SH3KBP1: variants seen among roughly 807,000 people sequenced by gnomAD.
SH3KBP1 encodes the protein SH3 domain-containing kinase-binding protein 1.
SH3KBP1 carries 8 observed loss-of-function variants against 50.1 expected under a neutral mutation model. The ratio of observed to expected loss-of-function variants is 0.16; its 90% CI spans 0.09 to 0.29. The LOEUF (loss-of-function observed/expected upper bound fraction) is 0.29. SH3KBP1 is among the 10% of genes least tolerant of loss of function. The pLI, the probability that SH3KBP1 is intolerant of heterozygous loss-of-function variation, is 1.00. For missense variants in SH3KBP1, 377 were observed against 535.2 expected, an observed-to-expected ratio of 0.70 and a Z score of 2.92; for synonymous variants, 227 against 218.6, an observed-to-expected ratio of 1.04 and a Z score of -0.34.
At chrX:19,695,310 C>T (rs1290248471) in intron 5 of SH3KBP1, among the ~76,000 whole-genome samples, 2 of 111,315 alleles carry the variant, frequency 1.8e-5, no homozygotes, top group African/African-American at 6.6e-5. Flanking sequence ...TATGAACTTA[C>T]AGTAAGCAAC....
chrX:19,735,296 TATTTC>T (rs1644621111), intron 3 of SH3KBP1, among the ~76,000 whole-genome samples: 1 of 111,357 alleles, frequency 9.0e-6, no homozygotes, highest in Admixed American at 9.6e-5. Context: ...TTCGATTCTC[TATTTC>T]ATTTATTTCC....
chrX:19,777,531 T>C lies in SH3KBP1; in HGVS notation c.163-31090A>G, dbSNP rs180832791. On this transcript the variant is annotated intron_variant, in intron 2 of 17. Coordinates refer to ENST00000397821, the MANE Select transcript of SH3KBP1 (RefSeq NM_031892.3). ...ACCCCCTAGTTCTCACCCCCACTAC[T>C]TGAAGGAATTTGAATGAGCCACTGC... is the stretch of plus-strand genomic sequence containing the variant. Among the ~76,000 whole-genome samples the C allele has an allele frequency of 2.4e-3, 263 of 110,681 alleles. 2 individuals carry two copies. Among genetic ancestry groups the C allele is most frequent in the African/African-American group, 7.7e-3 (234 of 30,387 alleles).
In SH3KBP1 at chrX:19,569,161, G is replaced by T. The variant is rs756734324; in HGVS notation, c.1326C>A (p.Ala442=). The change falls in exon 13 of 18, where the codon GCC becomes GCA. Residue 442 remains alanine (A), a synonymous_variant. Coordinates refer to ENST00000397821, the MANE Select transcript of SH3KBP1 (RefSeq NM_031892.3). ...CCAGGATGCCAGATAGCGAACTGCC[G>T]GCCAAGTCAATCTTTGGACTGTCAC... The part of the protein sequence containing the change: ...TRGDSPKIDL[A]GSSLSGILDK... 29 of 1,209,367 alleles carry T rather than the reference G, an allele frequency of 2.4e-5. No individual in the cohort carries two copies. Among genetic ancestry groups the T allele is most frequent in the Non-Finnish European group, 3.2e-5 (29 of 894,167 alleles).
chrX:19,658,983 T>C (rs2062373401), intron 6 of SH3KBP1, among the ~76,000 whole-genome samples: 1 of 109,536 alleles, frequency 9.1e-6, no homozygotes, highest in South Asian at 4.0e-4. Context: ...GGAGACAGGA[T>C]CTTGCTCTGT....
chrX:19,612,421 G>A (rs1465469726), intron 8 of SH3KBP1, among the ~76,000 whole-genome samples: 3 of 111,022 alleles, frequency 2.7e-5, no homozygotes, highest in African/African-American at 3.3e-5. Context: ...CTGCCACCAC[G>A]CCTGGTTAAT....
At chrX:19,761,451 TAA>T (rs1276733337) in intron 2 of SH3KBP1, among the ~76,000 whole-genome samples, 4 of 109,890 alleles carry the variant, frequency 3.6e-5, no homozygotes, top group Non-Finnish European at 7.6e-5. Flanking sequence ...GCTATATACG[TAA>T]GTTAATTATA....
chrX:19,833,474 C>T (rs1251191223), intron 2 of SH3KBP1, among the ~76,000 whole-genome samples: 8 of 104,725 alleles, frequency 7.6e-5, no homozygotes, highest in Admixed American at 3.0e-4. Context: ...CAGGGTCCTC[C>T]TCCCTCTTTC....
At position 19,634,031 on chromosome X, in the gene SH3KBP1, GGTGTGTGTGTGTGTGTGTGTGT is replaced by G. The variant is rs60109180; in HGVS notation, c.803-2095_803-2074del. ...GAGAGGCTGTTAGATTTTGTTCCCT[GGTGTGTGTGTGTGTGTGTGTGT>G]GTGTGTGTGTGTGTGTGTGTGTGTG... On this transcript the variant is annotated intron_variant, in intron 7 of 17. Transcript: ENST00000397821. 8.8e-3 allele frequency among the ~76,000 whole-genome samples: 282 copies of G among 32,161 alleles called. 3 individuals are homozygous for G. The South Asian group carries it at 0.11, about 13-fold the overall frequency. 27.9% of individuals were successfully genotyped at this position (32,161 alleles called of 115,157 possible).
intron 5 of SH3KBP1, chrX:19,687,646 C>G (rs766990919): frequency 1.7e-6 from 2 of 1,207,070 alleles, no homozygotes; most frequent in Non-Finnish European, 2.2e-6. Context: ...CTCCGTCTTT[C>G]CCGGTGCAGC....
chrX:19,691,356 C>CTATA lies in SH3KBP1; in HGVS notation c.520+4252_520+4255dup, dbSNP rs1258274594. ...TCTCTCTCTCTCTCTCTCTCTCTCT[C>CTATA]TATATATATATATATCTTTTGAGAT... On this transcript the variant is annotated intron_variant, in intron 5 of 17. Coordinates refer to ENST00000397821, the MANE Select transcript of SH3KBP1 (RefSeq NM_031892.3). Among the ~76,000 whole-genome samples the CTATA allele has an allele frequency of 1.4e-3, 101 of 73,490 alleles. 2 individuals carry two copies. The highest frequency in any genetic ancestry group is 3.3e-3 in the Admixed American group (19 of 5,688). 63.8% of individuals were successfully genotyped at this position (73,490 alleles called of 115,157 possible). A position where few individuals can be genotyped will look rare whatever the true frequency, so the allele number is the denominator to read the frequency against.
intron 6 of SH3KBP1, among the ~76,000 whole-genome samples, chrX:19,662,642 C>T (rs1050485286): frequency 5.4e-5 from 6 of 111,229 alleles, no homozygotes; most frequent in African/African-American, 2.0e-4. Context: ...ACCAGGCTCC[C>T]CAACTTTTGA....
chrX:19,829,661 C>T (rs1299896585), intron 2 of SH3KBP1, among the ~76,000 whole-genome samples: 1 of 105,413 alleles, frequency 9.5e-6, no homozygotes, highest in Non-Finnish European at 2.0e-5. Context: ...CAAGAGAATC[C>T]CTTGAACCCG....
chrX:19,834,416 A>G (rs1233322038), intron 2 of SH3KBP1, among the ~76,000 whole-genome samples: 1 of 112,021 alleles, frequency 8.9e-6, no homozygotes, highest in African/African-American at 3.2e-5. Flanking sequence ...AGGTCTTCCC[A>G]CTGAGGACAA....
chrX:19,776,529 C>A (rs1470988668), intron 2 of SH3KBP1, among the ~76,000 whole-genome samples: 1 of 74,082 alleles, frequency 1.3e-5, no homozygotes, highest in Non-Finnish European at 2.4e-5. Context: ...GCTTGACAAC[C>A]TGGTTTTTTT....
chrX:19,842,397 G>A (rs1220682245), intron 1 of SH3KBP1, among the ~76,000 whole-genome samples: 1 of 110,703 alleles, frequency 9.0e-6, no homozygotes, highest in Admixed American at 9.6e-5. Context: ...GTGGTGGCAC[G>A]TGCCTGTAAT....
chrX:19,821,220 G>A (rs968914369), intron 2 of SH3KBP1, among the ~76,000 whole-genome samples: 17 of 111,374 alleles, frequency 1.5e-4, no homozygotes, highest in Admixed American at 3.8e-4. Context: ...GTGAAACCCC[G>A]TCTCTACTAA....
At chrX:19,679,641 G>A (rs1305354896) in intron 6 of SH3KBP1, among the ~76,000 whole-genome samples, 1 of 110,984 alleles carries the variant, frequency 9.0e-6, no homozygotes, top group Non-Finnish European at 1.9e-5. Context: ...TTTTATCAAG[G>A]GAAATTTCCA....
chrX:19,854,916 CT>C (rs751294131), intron 1 of SH3KBP1, among the ~76,000 whole-genome samples: 1 of 112,086 alleles, frequency 8.9e-6, no homozygotes, highest in African/African-American at 3.2e-5. Context: ...ACTTTTACTC[CT>C]CATACACTGC....
At chrX:19,633,211 C>A (rs957772942) in intron 7 of SH3KBP1, among the ~76,000 whole-genome samples, 1 of 111,150 alleles carries the variant, frequency 9.0e-6, no homozygotes, top group African/African-American at 3.3e-5. Flanking sequence ...GGAGGAGAGG[C>A]GGTATTCACT....
Sources: allele counts gnomAD v4.1 joint callset (sites outside exome capture counted in the v4.1 genomes callset), GRCh38; gene constraint gnomAD v4.1.1; transcripts MANE v1.5; gene names NCBI Gene and HGNC (gene_info 2026-07-23, HGNC 2026-07-21).